TIAM1: variants seen among roughly 807,000 people sequenced by gnomAD.
TIAM1 encodes TIAM Rac1 associated GEF 1, also known as rho guanine nucleotide exchange factor TIAM1.
TIAM1 carries 65 observed loss-of-function variants against 163.5 expected under a neutral mutation model. The observed-to-expected ratio is 0.40, with a 90% confidence interval of 0.33 to 0.49. The LOEUF (loss-of-function observed/expected upper bound fraction) is 0.49, where lower values mean the gene tolerates loss of function less well. Among genes scored for constraint, TIAM1 ranks in the 20% least tolerant of loss-of-function variants. TIAM1 has a pLI of 0.77. For missense variants in TIAM1, 1,789 were observed against 2,044.7 expected, an observed-to-expected ratio of 0.87 and a Z score of 2.41; for synonymous variants, 833 against 810.1, an observed-to-expected ratio of 1.03 and a Z score of -0.48.
intron 2 of TIAM1, among the ~76,000 whole-genome samples, chr21:31,413,198 C>G (rs1602220738): frequency 6.6e-6 from 1 of 152,006 alleles, no homozygotes; most frequent in East Asian, 1.9e-4. Context: ...ATTTGTATCT[C>G]CCTTACTCCT....
chr21:31,331,574 C>T (rs2075680569), intron 2 of TIAM1, among the ~76,000 whole-genome samples: 1 of 152,254 alleles, frequency 6.6e-6, no homozygotes, highest in South Asian at 2.1e-4. Flanking sequence ...TCCGGCTATG[C>T]CACACCAGCT....
chr21:31,347,160 T>G (rs1399531263), upstream of TIAM1, among the ~76,000 whole-genome samples: 2 of 152,134 alleles, frequency 1.3e-5, no homozygotes, highest in African/African-American at 4.8e-5. Context: ...TAGAGAAGAA[T>G]AACTTGAGAT....
At chr21:31,209,056 G>T (rs1423616757) in intron 11 of TIAM1, among the ~76,000 whole-genome samples, 1 of 151,978 alleles carries the variant, frequency 6.6e-6, no homozygotes, top group African/African-American at 2.4e-5. Flanking sequence ...GACTAACCCA[G>T]GTTCTGAGAG....
chr21:31,438,179 C>CTTTTTTTTGTTTTTTTTTTTTTTT (rs2044281004), intron 2 of TIAM1, among the ~76,000 whole-genome samples: 1 of 62,686 alleles, frequency 1.6e-5, no homozygotes, highest in African/African-American at 7.0e-5. Flanking sequence ...TATTTGTGAT[C>CTTTTTTTTGTTTTTTTTTTTTTTT]TTTTTTTTTT....
intron 2 of TIAM1, among the ~76,000 whole-genome samples, chr21:31,372,759 A>C (rs1300110570): frequency 6.6e-6 from 1 of 152,092 alleles, no homozygotes; most frequent in Non-Finnish European, 1.5e-5. Context: ...ATCACTTGAG[A>C]CCAGCCTGGG....
At chr21:31,143,090 C>T (rs1039688494) in intron 20 of TIAM1, among the ~76,000 whole-genome samples, 2 of 152,108 alleles carry the variant, frequency 1.3e-5, no homozygotes, top group African/African-American at 4.8e-5. Flanking sequence ...GCACGTCCAG[C>T]GTGGGCACTC....
chr21:31,146,863 C>T (rs1244044784), intron 20 of TIAM1, 32 bp downstream of exon 20: 1 of 1,573,280 alleles, frequency 6.4e-7, no homozygotes, highest in Non-Finnish European at 8.7e-7. Flanking sequence ...ACAAGCAACA[C>T]ACCCCCACCT....
intron 3 of TIAM1, among the ~76,000 whole-genome samples, chr21:31,271,745 A>G (rs372605881): frequency 6.9e-6 from 1 of 145,002 alleles, no homozygotes; most frequent in South Asian, 2.3e-4. Flanking sequence ...AGAGAAAGTG[A>G]GAGCAAAGGA....
At chr21:31,542,436 GA>G (rs886802315) in intron 1 of TIAM1, among the ~76,000 whole-genome samples, 1 of 139,376 alleles carries the variant, frequency 7.2e-6, no homozygotes, top group Admixed American at 7.1e-5. Context: ...CAAAAAAAAA[GA>G]AAAAAAAAAG....
chr21:31,477,972 G>T (rs1254734819), intron 1 of TIAM1, among the ~76,000 whole-genome samples: 1 of 152,208 alleles, frequency 6.6e-6, no homozygotes, highest in Non-Finnish European at 1.5e-5. Context: ...GAGGTTCTTA[G>T]AATGAATTAC....
At chr21:31,152,995 C>A in intron 18 of TIAM1, 71 bp downstream of exon 18, 1 of 1,433,418 alleles carries the variant, frequency 7.0e-7, no homozygotes, top group South Asian at 1.2e-5. Context: ...CGCATGTCCC[C>A]ATTTTTCCTC....
At position 31,464,775 on chromosome 21, in the gene TIAM1, G is replaced by A. The variant is rs186667444; in HGVS notation, c.-421-740C>T. On this transcript the variant is annotated intron_variant, in intron 1 of 28. Transcript: ENST00000286827. ...GGAGACTCCCTTGAACTCGGGAGGC[G>A]GAGATTGCAGTGAGCCAAGATCGAG... 4.6e-5 allele frequency among the ~76,000 whole-genome samples: 7 copies of A among 151,402 alleles called. No individual in the cohort carries two copies. The East Asian group carries it at 5.9e-4, about 13-fold the overall frequency.
At chr21:31,299,667 T>C (rs749399814) in intron 2 of TIAM1, among the ~76,000 whole-genome samples, 1 of 152,194 alleles carries the variant, frequency 6.6e-6, no homozygotes, top group Non-Finnish European at 1.5e-5. Context: ...TTACCCATTA[T>C]GTGGTAGGGA....
At chr21:31,174,008 G>A (rs756393061) in intron 15 of TIAM1, among the ~76,000 whole-genome samples, 4 of 152,192 alleles carry the variant, frequency 2.6e-5, no homozygotes, top group African/African-American at 7.2e-5. Flanking sequence ...CGAGGCGCGC[G>A]TGTCTCCAAA....
Position 31,531,790 on chromosome 21 carries a change from G to A in TIAM1, c.-422+27137C>T, listed in dbSNP as rs2047979931. On this transcript the variant is annotated intron_variant, in intron 1 of 28. Transcript: ENST00000286827. Reference sequence around the variant, plus strand: ...AAAAAAAAAAGATGCCTCCTTGGGAGAAACAAAATCAACAGCAAGAGAAAC... The same window carrying A: ...AAAAAAAAAAGATGCCTCCTTGGGAAAAACAAAATCAACAGCAAGAGAAAC... Among the ~76,000 whole-genome samples, 5 of 150,534 alleles carry A rather than the reference G, an allele frequency of 3.3e-5. No individual in the cohort carries two copies. The South Asian group carries it at 1.0e-3, about 32-fold the overall frequency.
At chr21:31,514,174 C>T (rs74734298) in intron 1 of TIAM1, among the ~76,000 whole-genome samples, 9,084 of 152,138 alleles carry the variant, frequency 0.06, 494 homozygotes, top group Admixed American at 0.16. Flanking sequence ...AAATTAAGAA[C>T]AGACTCCCTG....
intron 2 of TIAM1, among the ~76,000 whole-genome samples, chr21:31,384,345 G>C (rs990920930): frequency 7.0e-6 from 1 of 143,638 alleles, no homozygotes; most frequent in African/African-American, 2.6e-5. Context: ...CAGAAGAACT[G>C]CTTGCAGCCA....
chr21:31,432,675 G>A (rs988288365), intron 2 of TIAM1, among the ~76,000 whole-genome samples: 11 of 152,182 alleles, frequency 7.2e-5, no homozygotes, highest in African/African-American at 2.2e-4. Context: ...AGATTTTCCA[G>A]GGAAACAGTA....
intron 2 of TIAM1, among the ~76,000 whole-genome samples, chr21:31,284,582 G>A (rs920686352): frequency 3.9e-5 from 6 of 151,990 alleles, no homozygotes; most frequent in African/African-American, 7.3e-5. Flanking sequence ...GCAGTGGTGC[G>A]ATCTTGGCTC....
Sources: gnomAD v4.1 joint callset for allele counts (sites outside exome capture counted in the v4.1 genomes callset) on GRCh38, gnomAD v4.1.1 for gene constraint, MANE v1.5 for transcripts, NCBI Gene and HGNC (gene_info 2026-07-23, HGNC 2026-07-21) for gene names.